Variants in OPTN observed in about 807,000 individuals in gnomAD.
OPTN encodes E3-14.7K-interacting protein.
OPTN carries 54 observed loss-of-function variants against 70.4 expected under a neutral mutation model. That is an observed-to-expected ratio of 0.77 (90% confidence interval 0.62 to 0.96). The LOEUF (loss-of-function observed/expected upper bound fraction) is 0.96. OPTN is among the 40% of genes least tolerant of loss of function. The probability of loss-of-function intolerance (pLI) is 0.00; values close to 1 mark genes in which losing one functional copy is unlikely to be tolerated. For missense variants in OPTN, 624 were observed against 673.2 expected (o/e 0.93, Z 0.81); for synonymous variants, 256 against 248.5 (o/e 1.03, Z -0.28).
At chr10:13,106,577 G>A (rs1832869362) in intron 1 of OPTN, among the ~76,000 whole-genome samples, 1 of 152,176 alleles carries the variant, frequency 6.6e-6, no homozygotes, top group Non-Finnish European at 1.5e-5. Context: ...GCTCTTGTAG[G>A]AAGAAGTGGC....
chr10:13,124,106 G>T lies in OPTN; in HGVS notation c.994G>T (p.Glu332Ter). The T allele has an allele frequency of 1.3e-6, 2 of 1,581,234 alleles. No individual in the cohort carries two copies. The highest frequency in any genetic ancestry group is 1.1e-5 in the South Asian group (1 of 89,806). ...EAELMKKRLQEKCQALERKNS... is the reference protein window; with the variant it reads ...EAELMKKRLQ ...TGAGCTAATGAAGAAGAGACTTCAAGAAAAGTAAGAATGAGAGAGCAATTT... is the reference window on the plus strand; with the variant it reads ...TGAGCTAATGAAGAAGAGACTTCAATAAAAGTAAGAATGAGAGAGCAATTT... The change falls in exon 9 of 15, where the codon GAA becomes TAA. Residue 332 changes from glutamate to a stop codon, truncating the protein, a stop_gained. Coordinates refer to ENST00000378747, the MANE Select transcript of OPTN (RefSeq NM_001008212.2). LOFTEE classifies it high-confidence loss of function.
At chr10:13,110,074 C>G in intron 3 of OPTN, 200 bp from the exon 4 acceptor site, 2 of 857,702 alleles carry the variant, frequency 2.3e-6, no homozygotes, top group South Asian at 3.6e-5. Context: ...TTTTTAAGGA[C>G]TAGAAATGAT....
intron 2 of OPTN, among the ~76,000 whole-genome samples, chr10:13,108,655 T>C (rs1832920841): frequency 6.6e-6 from 1 of 151,864 alleles, no homozygotes; most frequent in Admixed American, 6.6e-5. Flanking sequence ...CACGCCATTC[T>C]CCTGCCTCAG....
At chr10:13,127,223 C>T (rs1833486117) in intron 11 of OPTN, among the ~76,000 whole-genome samples, 1 of 152,134 alleles carries the variant, frequency 6.6e-6, no homozygotes, top group Non-Finnish European at 1.5e-5. Flanking sequence ...CTTAGGCAAT[C>T]CACGTGCCTC....
Position 13,116,248 on chromosome 10 carries a change from T to G in OPTN, c.553-19T>G. 6.7e-7 allele frequency: 1 copy of G among 1,501,928 alleles called. No individual in the cohort carries two copies. Among genetic ancestry groups the G allele is most frequent in the Non-Finnish European group, 9.3e-7 (1 of 1,077,888 alleles). The allele number at this position is 1,501,928 out of a possible 1,614,324, so 93.0% of individuals were successfully genotyped here. A position where few individuals can be genotyped will look rare whatever the true frequency, so the allele number is the denominator to read the frequency against. On this transcript the variant is annotated intron_variant, in intron 5 of 14. Coordinates refer to ENST00000378747, the MANE Select transcript of OPTN (RefSeq NM_001008212.2). Reference sequence around the variant, plus strand: ...TGTAGACATATTGTGTTAAATCCCTTGCATTTCTGTTTTCACAGGAAGGAG... The same window carrying G: ...TGTAGACATATTGTGTTAAATCCCTGGCATTTCTGTTTTCACAGGAAGGAG...
rs1324782706 is a variant in OPTN at position 13,110,527 on chromosome 10, T to C, written c.369+51T>C. 19 of 1,555,142 alleles carry C rather than the reference T, an allele frequency of 1.2e-5. No homozygotes were observed. The Admixed American group carries it at 3.2e-4, about 26-fold the overall frequency. On this transcript the variant is annotated intron_variant, in intron 4 of 14. Coordinates refer to ENST00000378747, the MANE Select transcript of OPTN (RefSeq NM_001008212.2). The stretch of plus-strand genomic sequence containing the variant: ...TTGTTTTTTTTTTTTCCCTTGACAT[T>C]TGCAGTGGAATCTTACGTGTCTAGA...
At chr10:13,117,438 A>G (rs998798331) in intron 6 of OPTN, among the ~76,000 whole-genome samples, 83 of 14,940 alleles carry the variant, frequency 5.6e-3, no homozygotes, top group Middle Eastern at 0.056. Flanking sequence ...TTTGAGATGG[A>G]GTTTTTTTTT....
At chr10:13,119,698 G>A (rs912670130) in intron 7 of OPTN, among the ~76,000 whole-genome samples, 1 of 152,090 alleles carries the variant, frequency 6.6e-6, no homozygotes, top group Non-Finnish European at 1.5e-5. Context: ...CTTTCTCCAC[G>A]TCCATACCAA....
chr10:13,126,083 G>A (rs1157303806), intron 11 of OPTN, 44 bp downstream of exon 11: 1 of 1,120,498 alleles, frequency 8.9e-7, no homozygotes, highest in Non-Finnish European at 1.4e-6. Context: ...GTAATGAACA[G>A]AAACTGTTGA....
In OPTN at chr10:13,133,557, C is replaced by A. The variant is rs759605171; in HGVS notation, c.1588C>A (p.Gln530Lys). 3.0e-5 allele frequency: 49 copies of A among 1,614,072 alleles called. No individual in the cohort carries two copies. The highest frequency in any genetic ancestry group is 6.7e-5 in the Admixed American group (4 of 60,016). Residue 530 changes from glutamine (Q) to lysine (K), a missense_variant, in exon 14 of 15, where the codon CAG (glutamine) becomes AAG (lysine). Physicochemically the swap from Gln to Lys is moderately conservative, Grantham distance 53. Transcript: ENST00000378747. ...TGGGGCGAGAACAAGTGACTCTGAC[C>A]AGCAGGCTTACCTTGTTCAAAGAGG... ...RHGARTSDSD[Q>K]QAYLVQRGAE...
At chr10:13,119,118 C>A in intron 7 of OPTN, 78 bp downstream of exon 7, 1 of 1,298,328 alleles carries the variant, frequency 7.7e-7, no homozygotes, top group Non-Finnish European at 1.1e-6. Flanking sequence ...CCATACAGTT[C>A]ACCCATTTAA....
In OPTN at chr10:13,125,521, AT is replaced by A. The variant is rs1564365123; in HGVS notation, c.1103del (p.Met368SerfsTer19). 1.2e-6 allele frequency: 2 copies of A among 1,614,228 alleles called. No individual in the cohort carries two copies. Among genetic ancestry groups the A allele is most frequent in the Non-Finnish European group, 1.7e-6 (2 of 1,180,030 alleles). ...AAAGTTAGAGCTACAAGTGGAAAGC[AT>A]GCTATCAGAAATCAAAATGGAACAG... The part of the protein sequence containing the change: ...NKKLELQVES[M>X]LSEIKMEQAK... On this transcript the variant is annotated frameshift_variant, in exon 10 of 15. Coordinates refer to ENST00000378747, the MANE Select transcript of OPTN (RefSeq NM_001008212.2). LOFTEE classifies it high-confidence loss of function.
At chr10:13,103,144 T>C (rs1418871108) in intron 1 of OPTN, among the ~76,000 whole-genome samples, 4 of 152,108 alleles carry the variant, frequency 2.6e-5, no homozygotes, top group African/African-American at 9.7e-5. Context: ...TAGTGTGTAA[T>C]GACGAGGCTG....
At chr10:13,130,618 C>G (rs1833576115) in intron 12 of OPTN, among the ~76,000 whole-genome samples, 1 of 151,898 alleles carries the variant, frequency 6.6e-6, no homozygotes, top group Non-Finnish European at 1.5e-5. Context: ...CTGAACCACT[C>G]ACATTGATAG....
intron 1 of OPTN, among the ~76,000 whole-genome samples, chr10:13,103,742 G>GCACACACACACA (rs771828062): frequency 0.057 from 3,702 of 64,832 alleles, 53 homozygotes; most frequent in Non-Finnish European, 0.099. Context: ...ACACACACAT[G>GCACACACACACA]CACACACACA....
Position 13,136,644 on chromosome 10 carries a change from C to T in OPTN, c.1613-101C>T, listed in dbSNP as rs528381838. 8.1e-5 allele frequency: 114 copies of T among 1,416,116 alleles called. 2 individuals are homozygous for T. The South Asian group carries it at 1.1e-3, about 14-fold the overall frequency. The allele number at this position is 1,416,116 out of a possible 1,614,324, so 87.7% of individuals were successfully genotyped here. On this transcript the variant is annotated intron_variant, in intron 14 of 14. Coordinates refer to ENST00000378747, the MANE Select transcript of OPTN (RefSeq NM_001008212.2). Reference sequence around the variant, plus strand: ...CTCATGTCCCACTACGTGTTGAATACGAAGTTGAACTGATGTTAAAACTCG... The same window carrying T: ...CTCATGTCCCACTACGTGTTGAATATGAAGTTGAACTGATGTTAAAACTCG...
At chr10:13,117,498 T>A (rs1321392080) in intron 6 of OPTN, among the ~76,000 whole-genome samples, 2 of 135,658 alleles carry the variant, frequency 1.5e-5, no homozygotes, top group Non-Finnish European at 3.1e-5. Flanking sequence ...GAGGCTGGAG[T>A]GAAGTGGCGC....
chr10:13,103,254 A>G (rs1264176686), intron 1 of OPTN, among the ~76,000 whole-genome samples: 1 of 152,206 alleles, frequency 6.6e-6, no homozygotes. Context: ...TTGTGAACCC[A>G]AACTCTTCAT....
At chr10:13,109,610 G>T (rs11258193) in intron 3 of OPTN, 15,163 of 306,622 alleles carry the variant, frequency 0.049, 575 homozygotes, top group East Asian at 0.12. Flanking sequence ...AGGATTGCTT[G>T]AGTACAGGAG....
Sources: gnomAD v4.1 joint callset for allele counts (sites outside exome capture counted in the v4.1 genomes callset) on GRCh38, gnomAD v4.1.1 for gene constraint, MANE v1.5 for transcripts, NCBI Gene and HGNC (gene_info 2026-07-23, HGNC 2026-07-21) for gene names.